CACNA1B: variants seen among roughly 807,000 people sequenced by gnomAD.
CACNA1B encodes the protein voltage-dependent N-type calcium channel subunit alpha-1B.
CACNA1B carries 70 observed loss-of-function variants against 247.2 expected under a neutral mutation model. The observed-to-expected ratio is 0.28, with a 90% CI of 0.23 to 0.35. The LOEUF (loss-of-function observed/expected upper bound fraction) is 0.35. CACNA1B is among the 10% of genes least tolerant of loss of function. The probability of loss-of-function intolerance (pLI) is 1.00; values close to 1 mark genes in which losing one functional copy is unlikely to be tolerated. For synonymous variants in CACNA1B, 1,231 were observed against 1,294.4 expected, an observed-to-expected ratio of 0.95 and a Z score of 1.05; for missense variants, 2,367 against 3,197.4, an observed-to-expected ratio of 0.74 and a Z score of 6.26.
At chr9:138,015,739 A>G (rs760289045) in intron 18 of CACNA1B, among the ~76,000 whole-genome samples, 1 of 152,198 alleles carries the variant, frequency 6.6e-6, no homozygotes, top group East Asian at 1.9e-4. Flanking sequence ...AGGGCACCCT[A>G]GCGTGTCGCA....
At chr9:138,079,763 A>G (rs1054310389) in intron 36 of CACNA1B, among the ~76,000 whole-genome samples, 4 of 149,218 alleles carry the variant, frequency 2.7e-5, no homozygotes, top group African/African-American at 9.9e-5. Flanking sequence ...AAAAAAAAAA[A>G]AAGAGGGAGG....
At chr9:137,890,198 A>G (rs1483553224) in intron 3 of CACNA1B, 2 of 150,166 alleles carry the variant, frequency 1.3e-5, no homozygotes, top group East Asian at 3.9e-4. Flanking sequence ...AGCGTTGCAG[A>G]CGTCTGGGGC....
intron 2 of CACNA1B, 90 bp downstream of exon 2, chr9:137,879,249 G>T: frequency 2.4e-6 from 2 of 825,642 alleles, no homozygotes; most frequent in Admixed American, 2.2e-5. Flanking sequence ...CAGCTTCCTC[G>T]GGCAGGGTCG....
intron 26 of CACNA1B, among the ~76,000 whole-genome samples, chr9:138,055,713 AT>A (rs58965198): frequency 6.6e-6 from 1 of 152,156 alleles, no homozygotes. Flanking sequence ...AGTGTAATGG[AT>A]TTTTTAAAAA....
Position 137,975,994 on chromosome 9 carries a change from C to T in CACNA1B, c.1631C>T (p.Ser544Phe). ...YGLGPRSYFRSSFNCFDFGVI... is the reference protein window; with the variant it reads ...YGLGPRSYFRFSFNCFDFGVI... ...CTGGGGCCCAGAAGCTACTTCCGGT[C>T]CTCCTTCAACTGCTTCGACTTTGGG... Residue 544 changes from serine to phenylalanine, a missense_variant, in exon 12 of 47, where the codon TCC (serine) becomes TTC (phenylalanine). Physicochemically the swap from Ser to Phe is radical, Grantham distance 155. Coordinates refer to ENST00000371372, the MANE Select transcript of CACNA1B (RefSeq NM_000718.4). 1.2e-6 allele frequency: 2 copies of T among 1,611,064 alleles called. No individual in the cohort carries two copies. Among genetic ancestry groups the T allele is most frequent in the Non-Finnish European group, 1.7e-6 (2 of 1,177,260 alleles).
intron 8 of CACNA1B, among the ~76,000 whole-genome samples, chr9:137,956,205 C>G (rs1434257373): frequency 1.3e-5 from 2 of 152,222 alleles, no homozygotes; most frequent in South Asian, 2.1e-4. Flanking sequence ...CCAAGTGCCT[C>G]TTCAGAGATG....
At chr9:138,105,933 G>A (rs565590325) in intron 39 of CACNA1B, 126 bp downstream of exon 39, 55 of 637,866 alleles carry the variant, frequency 8.6e-5, no homozygotes, top group African/African-American at 8.1e-4. Flanking sequence ...AGGGGTCTGA[G>A]GACAGCTGCA....
In CACNA1B at chr9:137,971,347, G is replaced by T. The variant is rs200093914; in HGVS notation, c.1334-36G>T. On this transcript the variant is annotated intron_variant, in intron 10 of 46. Transcript: ENST00000371372. This position sits in a 1 kb window ranked among gnomAD's most constrained non-coding sequence, Gnocchi z 4.4. ...CAGGTGGGGTAGGCGGGTGCCCATT[G>T]GTCCCCACATCCTCAGTAACTCCCC... The T allele has an allele frequency of 2.2e-5, 33 of 1,518,426 alleles. No homozygotes were observed. The African/African-American group carries it at 4.1e-4, about 19-fold the overall frequency. The allele number at this position is 1,518,426 out of a possible 1,614,324, so 94.1% of individuals were successfully genotyped here.
chr9:137,891,551 T>G lies in CACNA1B; in HGVS notation c.530+8668T>G. ...GATGCACCCACAGAGGTCACAGGGG[T>G]TCAAGTTCATACCCCGGGAGGGTGG... On this transcript the variant is annotated intron_variant, in intron 3 of 46. Coordinates refer to ENST00000371372, the MANE Select transcript of CACNA1B (RefSeq NM_000718.4). This position sits in a 1 kb window ranked among gnomAD's most constrained non-coding sequence, Gnocchi z 4.3. 2.2e-5 allele frequency: 4 copies of G among 178,128 alleles called. No homozygotes were observed. The highest frequency in any genetic ancestry group is 1.4e-4 in the South Asian group (1 of 7,360). 11.0% of individuals were successfully genotyped at this position (178,128 alleles called of 1,614,324 possible).
In CACNA1B at chr9:138,011,608, G is replaced by C. The variant is rs1259049822; in HGVS notation, c.2161-1521G>C. On this transcript the variant is annotated intron_variant, in intron 17 of 46. Transcript: ENST00000371372. The surrounding 1 kb of genome is among the most constrained non-coding windows in gnomAD (Gnocchi z 4.2). ...GTTTTAGACCTTCCAGGGGACTTTA[G>C]AACACTCCCTGGAGTGACTGGCAAA... Among the ~76,000 whole-genome samples, 1 of 152,168 alleles carries C rather than the reference G, an allele frequency of 6.6e-6. No homozygotes were observed. The highest frequency in any genetic ancestry group is 1.5e-5 in the Non-Finnish European group (1 of 68,038).
chr9:138,121,558 G>C lies in CACNA1B; in HGVS notation c.6579G>C (p.Thr2193=). ...GTGGGCGGAGGCAGCTCCCCCAGAC[G>C]CCCCTGACTCCCCGCCCCAGCATCA... is the stretch of plus-strand genomic sequence containing the variant. ...GRGGRRQLPQ[T]PLTPRPSITY... is the part of the protein sequence containing the mutation. The change falls in exon 47 of 47, where the codon ACG becomes ACC. Residue 2193 remains threonine, a synonymous_variant. Transcript: ENST00000371372. The surrounding 1 kb of genome is among the most constrained non-coding windows in gnomAD (Gnocchi z 6.8). The C allele has an allele frequency of 6.2e-7, 1 of 1,603,222 alleles. No individual in the cohort carries two copies. The highest frequency in any genetic ancestry group is 8.5e-7 in the Non-Finnish European group (1 of 1,173,168).
chr9:137,905,352 CAA>C (rs55748127), intron 3 of CACNA1B, among the ~76,000 whole-genome samples: 4 of 68,716 alleles, frequency 5.8e-5, no homozygotes, highest in Admixed American at 1.7e-4. Flanking sequence ...GACTCTGTCT[CAA>C]AAAAAAAAAA....
At chr9:138,064,953 A>G (rs1158167701) in intron 31 of CACNA1B, among the ~76,000 whole-genome samples, 1 of 152,238 alleles carries the variant, frequency 6.6e-6, no homozygotes, top group Non-Finnish European at 1.5e-5. Context: ...TGGATCGTAC[A>G]TGATAGGTTC....
intron 40 of CACNA1B, among the ~76,000 whole-genome samples, chr9:138,113,304 A>G (rs985100432): frequency 1.4e-5 from 2 of 143,766 alleles, no homozygotes; most frequent in African/African-American, 5.3e-5. Context: ...TGAGGTGCCC[A>G]ACTCCATCTT....
intron 6 of CACNA1B, among the ~76,000 whole-genome samples, chr9:137,937,625 G>A (rs1186253932): frequency 6.6e-6 from 1 of 152,104 alleles, no homozygotes; most frequent in Non-Finnish European, 1.5e-5. Flanking sequence ...AATCTCCCAG[G>A]CACATTGTCA....
In CACNA1B at chr9:138,012,463, G is replaced by A. The variant is rs999972679; in HGVS notation, c.2161-666G>A. On this transcript the variant is annotated intron_variant, in intron 17 of 46. Coordinates refer to ENST00000371372, the MANE Select transcript of CACNA1B (RefSeq NM_000718.4). This position sits in a 1 kb window ranked among gnomAD's most constrained non-coding sequence, Gnocchi z 4.2. ...GTGCCATGGTACAGACAAGCTGAAG[G>A]CCAGGCATGGTAGCTAACACCTGTA... 6.6e-6 allele frequency among the ~76,000 whole-genome samples: 1 copy of A among 152,134 alleles called. No individual in the cohort carries two copies. The highest frequency in any genetic ancestry group is 2.4e-5 in the African/African-American group (1 of 41,426).
chr9:138,009,735 G>C (rs1399679389), intron 16 of CACNA1B, among the ~76,000 whole-genome samples: 1 of 152,194 alleles, frequency 6.6e-6, no homozygotes, highest in African/African-American at 2.4e-5. Context: ...GAGCTGGGTT[G>C]GGGGAAGAGG....
rs760090987 is a variant in CACNA1B at position 137,885,361 on chromosome 9, G to A, written c.530+2478G>A. 6.6e-5 allele frequency among the ~76,000 whole-genome samples: 10 copies of A among 152,320 alleles called. No individual in the cohort carries two copies. In the East Asian group the frequency reaches 1.7e-3, roughly 27 times the overall value. On this transcript the variant is annotated intron_variant, in intron 3 of 46. Transcript: ENST00000371372. Reference sequence around the variant, plus strand: ...GAGGGGGCTGGGTCTGCTGTGCGGCGAGTGCTGGTCCATGGGGAGCCCAGG... The same window carrying A: ...GAGGGGGCTGGGTCTGCTGTGCGGCAAGTGCTGGTCCATGGGGAGCCCAGG...
rs1433550966 is a variant in CACNA1B at position 137,888,681 on chromosome 9, G to T, written c.530+5798G>T. Among the ~76,000 whole-genome samples, 1 of 152,218 alleles carries T rather than the reference G, an allele frequency of 6.6e-6. No homozygotes were observed. Among genetic ancestry groups the T allele is most frequent in the Non-Finnish European group, 1.5e-5 (1 of 68,030 alleles). ...CTCCTGTGGGTTGAAGAGAGGGTGT[G>T]TGGGTGTGTGGCCGCTGCACCAGGA... On this transcript the variant is annotated intron_variant, in intron 3 of 46. Coordinates refer to ENST00000371372, the MANE Select transcript of CACNA1B (RefSeq NM_000718.4). The surrounding 1 kb of genome is among the most constrained non-coding windows in gnomAD (Gnocchi z 4.7).
Sources: gnomAD v4.1 joint callset for allele counts (sites outside exome capture counted in the v4.1 genomes callset) on GRCh38, gnomAD v4.1.1 for gene constraint, Gnocchi (gnomAD v3.1) non-coding constraint, MANE v1.5 for transcripts, NCBI Gene and HGNC (gene_info 2026-07-23, HGNC 2026-07-21) for gene names.